The following VCL variants were observed in gnomAD, a reference collection of about 807,000 sequenced individuals.
VCL encodes the protein epididymis luminal protein 114.
Under a neutral mutation model 125.7 loss-of-function variants are expected in VCL, and 47 were observed. The observed-to-expected ratio is 0.37, with a 90% CI of 0.30 to 0.48. The LOEUF is 0.48. Among genes scored for constraint, VCL ranks in the 20% least tolerant of loss-of-function variants. VCL has a pLI of 0.99. For synonymous variants in VCL, 458 were observed against 514.6 expected (o/e 0.89, Z 1.49); for missense variants, 1,069 against 1,455.5 (o/e 0.73, Z 4.32).
chr10:74,074,850 A>T lies in VCL; in HGVS notation c.730A>T (p.Ile244Leu), dbSNP rs1420120078. ...VEKMSAEINEIIRVLQLTSWD... is the reference protein window; with the variant it reads ...VEKMSAEINELIRVLQLTSWD... ...AAAAATGAGTGCTGAAATTAATGAG[A>T]TAATTCGTGTGTTACAACTCACCTC... Residue 244 changes from isoleucine to leucine, a missense_variant, in exon 6 of 22, where the codon ATA (isoleucine) becomes TTA (leucine). Around this residue, in one of 6 missense-constraint regions of VCL, gnomAD observed 760 missense variants for 928.9 expected, o/e 0.82. Coordinates refer to ENST00000211998, the MANE Select transcript of VCL (RefSeq NM_014000.3). 2 of 1,614,054 alleles carry T rather than the reference A, an allele frequency of 1.2e-6. No individual in the cohort carries two copies. The highest frequency in any genetic ancestry group is 2.7e-5 in the African/African-American group (2 of 74,924).
intron 1 of VCL, among the ~76,000 whole-genome samples, chr10:74,018,065 G>A (rs1235877611): frequency 1.3e-5 from 2 of 150,036 alleles, no homozygotes; most frequent in Admixed American, 6.7e-5. Context: ...AGGCTGAGGT[G>A]GGAGGATTGC....
In VCL at chr10:74,072,725, C is replaced by G. The variant is rs397517243; in HGVS notation, c.500-5C>G. 1.2e-6 allele frequency: 2 copies of G among 1,613,660 alleles called. No individual in the cohort carries two copies. Among genetic ancestry groups the G allele is most frequent in the Non-Finnish European group, 1.7e-6 (2 of 1,179,888 alleles). ...ACCCTGCACAATTTCTTCTTTGTGC[C>G]CCAGGAATGACTAAGATGGCCAAGA... is the stretch of plus-strand genomic sequence containing the variant. On this transcript the variant is annotated splice_region_variant and splice_polypyrimidine_tract_variant and intron_variant, in intron 4 of 21. Transcript: ENST00000211998.
chr10:74,033,464 G>C (rs1840918294), intron 1 of VCL, among the ~76,000 whole-genome samples: 1 of 152,166 alleles, frequency 6.6e-6, no homozygotes, highest in Non-Finnish European at 1.5e-5. Context: ...CTCTGTGACT[G>C]TCTTAACGAC....
chr10:74,016,967 C>G (rs1485921235), intron 1 of VCL: 1 of 150,864 alleles, frequency 6.6e-6, no homozygotes, highest in Non-Finnish European at 1.5e-5. Context: ...AGTATTTGTC[C>G]TTTTGTGATT....
At chr10:74,103,734 T>C in intron 14 of VCL, 86 bp from the exon 15 acceptor site, 6 of 1,250,530 alleles carry the variant, frequency 4.8e-6, no homozygotes, top group Non-Finnish European at 3.5e-6. Flanking sequence ...GTGCCATCTG[T>C]AGGTAAAGAG....
At chr10:74,000,759 G>A (rs1175521656) in intron 1 of VCL, among the ~76,000 whole-genome samples, 3 of 152,004 alleles carry the variant, frequency 2.0e-5, no homozygotes, top group Admixed American at 6.6e-5. Flanking sequence ...TGTGATATAC[G>A]GCCTTAGTTA....
At chr10:74,044,802 A>C (rs1446955946) in intron 2 of VCL, among the ~76,000 whole-genome samples, 1 of 152,230 alleles carries the variant, frequency 6.6e-6, no homozygotes, top group East Asian at 1.9e-4. Flanking sequence ...AGAAATTGTA[A>C]TATTAATCAG....
chr10:74,112,370 A>C (rs1333879536), intron 19 of VCL, among the ~76,000 whole-genome samples: 1 of 152,100 alleles, frequency 6.6e-6, no homozygotes. Flanking sequence ...TCCTTTTCTT[A>C]CTGATTTTGT....
intron 10 of VCL, among the ~76,000 whole-genome samples, chr10:74,091,639 A>G (rs1839886746): frequency 6.6e-6 from 1 of 151,626 alleles, no homozygotes; most frequent in Admixed American, 6.6e-5. Context: ...AAAAAATACA[A>G]AAATTAGCCA....
chr10:74,039,381 A>G (rs986796783), intron 1 of VCL, among the ~76,000 whole-genome samples: 21 of 151,894 alleles, frequency 1.4e-4, no homozygotes, highest in African/African-American at 4.3e-4. Context: ...AGTCACTACT[A>G]TCACTCTCCC....
At chr10:74,059,894 T>G (rs1266321023) in intron 2 of VCL, among the ~76,000 whole-genome samples, 1 of 152,246 alleles carries the variant, frequency 6.6e-6, no homozygotes, top group Non-Finnish European at 1.5e-5. Context: ...CTGGGCACAG[T>G]GGCTCACGCC....
intron 2 of VCL, among the ~76,000 whole-genome samples, chr10:74,061,618 C>T (rs1387630024): frequency 2.0e-5 from 3 of 152,144 alleles, no homozygotes; most frequent in Admixed American, 6.5e-5. Context: ...TATTACCCTA[C>T]CACTACCTTC....
At chr10:74,114,017 T>C (rs1840271691) in intron 19 of VCL, among the ~76,000 whole-genome samples, 167 bp from the exon 20 acceptor site, 1 of 152,138 alleles carries the variant, frequency 6.6e-6, no homozygotes, top group Non-Finnish European at 1.5e-5. Context: ...TTTTTTTTTC[T>C]TCCAGTGCTA....
chr10:74,099,405 C>T (rs1277144951), intron 13 of VCL, among the ~76,000 whole-genome samples: 3 of 151,892 alleles, frequency 2.0e-5, no homozygotes, highest in African/African-American at 7.3e-5. Context: ...ATCCTATTAT[C>T]CTTTGTTTCC....
At chr10:74,024,401 G>A (rs10824055) in intron 1 of VCL, among the ~76,000 whole-genome samples, 103,939 of 151,950 alleles carry the variant, frequency 0.68, 36,618 homozygotes, top group African/African-American at 0.82. Context: ...ACCTGAGGTC[G>A]GGGGTTCGAG....
intron 15 of VCL, 24 bp downstream of exon 15, chr10:74,103,952 G>A (rs368835934): frequency 2.3e-5 from 37 of 1,605,372 alleles, no homozygotes; most frequent in Non-Finnish European, 3.1e-5. Context: ...TACAAATCTT[G>A]TTGTCTAATC....
chr10:74,057,266 A>C (rs187511410), intron 2 of VCL, among the ~76,000 whole-genome samples: 36 of 152,186 alleles, frequency 2.4e-4, no homozygotes, highest in Admixed American at 2.2e-3. Context: ...ATTTAAAAAA[A>C]AATTATATGT....
chr10:74,091,005 T>A (rs538362401), intron 10 of VCL, among the ~76,000 whole-genome samples: 3 of 152,196 alleles, frequency 2.0e-5, no homozygotes, highest in Non-Finnish European at 4.4e-5. Context: ...GTTGCTATGT[T>A]GTCAGGGCTG....
chr10:74,072,626 T>C, intron 4 of VCL, 104 bp from the exon 5 acceptor site: 4 of 1,550,168 alleles, frequency 2.6e-6, no homozygotes, highest in Non-Finnish European at 3.5e-6. Context: ...AAGTGAGCAA[T>C]CGGTTTGAAC....
Sources: gnomAD v4.1 joint callset for allele counts (sites outside exome capture counted in the v4.1 genomes callset) on GRCh38, gnomAD v4.1.1 for gene constraint, gnomAD v4.1.1 regional missense constraint, MANE v1.5 for transcripts, NCBI Gene and HGNC (gene_info 2026-07-23, HGNC 2026-07-21) for gene names.